The following PET117 variants were observed in gnomAD, a reference collection of about 807,000 sequenced individuals.
PET117 encodes protein PET117 homolog, mitochondrial.
A neutral mutation model predicts 9.2 loss-of-function variants in PET117; 10 were observed. The ratio of observed to expected loss-of-function variants is 1.09; its 90% CI spans 0.67 to 1.85. The LOEUF is 1.85. Ranked by LOEUF, PET117 falls within the 40% of genes most tolerant of loss-of-function variation. The pLI is 0.00. For missense variants in PET117, 96 were observed against 98.2 expected, an observed-to-expected ratio of 0.98 and a Z score of 0.09; for synonymous variants, 43 against 37.1, an observed-to-expected ratio of 1.16 and a Z score of -0.57.
At chr20:18,139,557 A>G (rs181436427) in intron 1 of PET117, among the ~76,000 whole-genome samples, 4 of 152,242 alleles carry the variant, frequency 2.6e-5, no homozygotes, top group Non-Finnish European at 5.9e-5. Flanking sequence ...GAGAATTTTA[A>G]CACAGGACTA....
At position 18,137,891 on chromosome 20, in the gene PET117, C is replaced by T; in HGVS notation, c.-65C>T. The T allele has an allele frequency of 7.1e-7, 1 of 1,417,008 alleles. No homozygotes were observed. The highest frequency in any genetic ancestry group is 9.2e-7 in the Non-Finnish European group (1 of 1,086,684). 87.8% of individuals were successfully genotyped at this position (1,417,008 alleles called of 1,614,324 possible). A position where few individuals can be genotyped will look rare whatever the true frequency, so the allele number is the denominator to read the frequency against. On this transcript the variant is annotated 5_prime_UTR_variant, in exon 1 of 2. Transcript: ENST00000432901. ...CCTGGGCAGTACAGGCGGCGGTGCG[C>T]ACTCTGCGGCGGCCTCTGCGCCTCG...
chr20:18,138,010 A>T lies in PET117; in HGVS notation c.55A>T (p.Thr19Ser). 2 of 1,502,510 alleles carry T rather than the reference A, an allele frequency of 1.3e-6. No individual in the cohort carries two copies. The highest frequency in any genetic ancestry group is 1.8e-6 in the Non-Finnish European group (2 of 1,132,372). The allele number at this position is 1,502,510 out of a possible 1,614,324, so 93.1% of individuals were successfully genotyped here. ...LGLSVLLTAA[T>S]VAGVHVKQQW... ...CCTCTCGGTGCTGCTGACGGCGGCC[A>T]CAGTGGCCGGCGTACATGTGAAGCA... The change falls in exon 1 of 2, where the codon ACA (threonine) becomes TCA (serine). Residue 19 changes from threonine to serine, a missense_variant. Transcript: ENST00000432901.
At chr20:18,139,266 A>G (rs964816844) in intron 1 of PET117, among the ~76,000 whole-genome samples, 5 of 152,230 alleles carry the variant, frequency 3.3e-5, no homozygotes, top group Non-Finnish European at 7.3e-5. Context: ...ATAGAGGCAG[A>G]AGACTTCCGC....
intron 1 of PET117, among the ~76,000 whole-genome samples, chr20:18,141,018 C>T (rs1313580115): frequency 9.3e-6 from 1 of 107,928 alleles, no homozygotes; most frequent in Non-Finnish European, 1.8e-5. Context: ...CCACCACTCC[C>T]TGCAATTTTT....
intron 1 of PET117, chr20:18,138,258 C>T (rs2037376278): frequency 8.1e-7 from 1 of 1,234,512 alleles, no homozygotes; most frequent in East Asian, 3.3e-5. Context: ...GCGTGTGCAG[C>T]CCGCAGATTC....
Position 18,142,405 on chromosome 20 carries a change from T to C in PET117, c.*48T>C. On this transcript the variant is annotated 3_prime_UTR_variant, in exon 2 of 2. Transcript: ENST00000432901. The stretch of plus-strand genomic sequence containing the variant: ...GACAGACAACACGAGTTTGTGTGTG[T>C]GTGTTGATGGAGAGTAGCTTAGTAG... The C allele has an allele frequency of 2.6e-6, 4 of 1,517,430 alleles. No homozygotes were observed. The highest frequency in any genetic ancestry group is 3.5e-6 in the Non-Finnish European group (4 of 1,135,388). 94.0% of individuals were successfully genotyped at this position (1,517,430 alleles called of 1,614,324 possible).
rs1219855747 is a variant in PET117, at chr20:18,142,832, T to G, written c.*475T>G. On this transcript the variant is annotated 3_prime_UTR_variant, in exon 2 of 2. Transcript: ENST00000432901. Reference sequence around the variant, plus strand: ...CTTATCGCACGACCAGAGTGGGGATTCCCTCAACAGTGATGAAGGAGACGT... The same window carrying G: ...CTTATCGCACGACCAGAGTGGGGATGCCCTCAACAGTGATGAAGGAGACGT... 6.2e-7 allele frequency: 1 copy of G among 1,614,170 alleles called. No individual in the cohort carries two copies.
Position 18,138,189 on chromosome 20 carries a change from G to A in PET117, c.96+138G>A. The A allele has an allele frequency of 1.1e-5, 14 of 1,268,520 alleles. No homozygotes were observed. In the South Asian group the frequency reaches 3.6e-4, roughly 32 times the overall value. The allele number at this position is 1,268,520 out of a possible 1,614,324, so 78.6% of individuals were successfully genotyped here. A position where few individuals can be genotyped will look rare whatever the true frequency, so the allele number is the denominator to read the frequency against. On this transcript the variant is annotated intron_variant, in intron 1 of 1. Transcript: ENST00000432901. ...GGTGGCGCGGCCCTGCACCCCACGCGTTTGCGGCTGCGGCCGGCGGCCGCT... is the reference window on the plus strand; with the variant it reads ...GGTGGCGCGGCCCTGCACCCCACGCATTTGCGGCTGCGGCCGGCGGCCGCT...
In PET117 at chr20:18,142,864, G is replaced by C; in HGVS notation, c.*507G>C. Reference sequence around the variant, plus strand: ...ACAGTGATGAAGGAGACGTGTCTTGGATGGAGGAGCAGCTGTCCTACTTCT... The same window carrying C: ...ACAGTGATGAAGGAGACGTGTCTTGCATGGAGGAGCAGCTGTCCTACTTCT... On this transcript the variant is annotated 3_prime_UTR_variant, in exon 2 of 2. Transcript: ENST00000432901. The C allele has an allele frequency of 6.2e-7, 1 of 1,614,192 alleles. No homozygotes were observed. Among genetic ancestry groups the C allele is most frequent in the Non-Finnish European group, 8.5e-7 (1 of 1,180,032 alleles).
At chr20:18,140,405 A>G (rs2146323454) in intron 1 of PET117, among the ~76,000 whole-genome samples, 1 of 152,332 alleles carries the variant, frequency 6.6e-6, no homozygotes, top group African/African-American at 2.4e-5. Flanking sequence ...AGTAGGTATT[A>G]TATTAGGTGA....
At chr20:18,138,878 C>T (rs899125309) in intron 1 of PET117, among the ~76,000 whole-genome samples, 1 of 152,218 alleles carries the variant, frequency 6.6e-6, no homozygotes, top group African/African-American at 2.4e-5. Flanking sequence ...AAACTCCACT[C>T]TTCCAGAGTC....
At position 18,142,831 on chromosome 20, in the gene PET117, T is replaced by C. The variant is rs763740306; in HGVS notation, c.*474T>C. On this transcript the variant is annotated 3_prime_UTR_variant, in exon 2 of 2. Transcript: ENST00000432901. ...ACTTATCGCACGACCAGAGTGGGGA[T>C]TCCCTCAACAGTGATGAAGGAGACG... 1.9e-6 allele frequency: 3 copies of C among 1,614,188 alleles called. No homozygotes were observed. The highest frequency in any genetic ancestry group is 2.5e-6 in the Non-Finnish European group (3 of 1,180,032).
chr20:18,140,726 C>T (rs758026479), intron 1 of PET117, among the ~76,000 whole-genome samples: 6 of 147,566 alleles, frequency 4.1e-5, no homozygotes, highest in African/African-American at 5.0e-5. Context: ...GCACAAGAAT[C>T]GCTTTAACTC....
chr20:18,139,702 T>G, intron 1 of PET117, among the ~76,000 whole-genome samples: 1 of 151,724 alleles, frequency 6.6e-6, no homozygotes, highest in East Asian at 1.9e-4. Flanking sequence ...TATGTCCGGT[T>G]CTTCATTAGG....
chr20:18,139,135 G>C (rs2037421866), intron 1 of PET117, among the ~76,000 whole-genome samples: 1 of 152,230 alleles, frequency 6.6e-6, no homozygotes, highest in Non-Finnish European at 1.5e-5. Flanking sequence ...AATTAGAAGA[G>C]AGGAAGCATG....
intron 1 of PET117, 170 bp downstream of exon 1, chr20:18,138,221 G>T (rs2037373176): frequency 1.6e-6 from 2 of 1,260,282 alleles, no homozygotes; most frequent in African/African-American, 3.1e-5. Flanking sequence ...CGCTCTGCTG[G>T]GCTCCGGGCG....
At chr20:18,138,211 C>T (rs941763622) in intron 1 of PET117, 160 bp downstream of exon 1, 2 of 1,269,028 alleles carry the variant, frequency 1.6e-6, no homozygotes, top group Admixed American at 4.3e-5. Context: ...GGCCGGCGGC[C>T]GCTCTGCTGG....
chr20:18,141,037 T>TA (rs1568661489), intron 1 of PET117, among the ~76,000 whole-genome samples: 31 of 22,596 alleles, frequency 1.4e-3, no homozygotes, highest in Admixed American at 4.8e-3. Flanking sequence ...TTTTTTTTTT[T>TA]TTTTTTTTTA....
chr20:18,141,661 ATTAC>A (rs1450628417), intron 1 of PET117, among the ~76,000 whole-genome samples: 2 of 152,196 alleles, frequency 1.3e-5, no homozygotes, highest in African/African-American at 4.8e-5. Context: ...AGGCAGGTGG[ATTAC>A]TTGAGATCAG....
Sources: allele counts gnomAD v4.1 joint callset (sites outside exome capture counted in the v4.1 genomes callset), GRCh38; gene constraint gnomAD v4.1.1; transcripts MANE v1.5; gene names NCBI Gene and HGNC (gene_info 2026-07-23, HGNC 2026-07-21).